The following SPDYC variants were observed in gnomAD, a reference collection of about 807,000 sequenced individuals.
SPDYC encodes the protein speedy/RINGO cell cycle regulator family member C, also known as speedy protein C.
In SPDYC, 25 loss-of-function variants were observed where a neutral mutation model predicts 33.9. That is an observed-to-expected ratio of 0.74 (90% confidence interval 0.54 to 1.03). SPDYC has a LOEUF of 1.03. Among genes scored for constraint, SPDYC ranks in the 50% least tolerant of loss-of-function variants. The pLI is 0.00. For synonymous variants in SPDYC, 133 were observed against 140.2 expected (o/e 0.95, Z 0.36); for missense variants, 349 against 382.9 (o/e 0.91, Z 0.74).
intron 2 of SPDYC, 132 bp downstream of exon 2, chr11:65,171,631 G>A: frequency 8.8e-7 from 1 of 1,135,100 alleles, no homozygotes; most frequent in Non-Finnish European, 1.2e-6. Context: ...TCCCAGCTTA[G>A]GCAGGTGGGA....
At chr11:65,170,561 A>G (rs1374226277) in intron 1 of SPDYC, among the ~76,000 whole-genome samples, 3 of 150,050 alleles carry the variant, frequency 2.0e-5, no homozygotes, top group Admixed American at 1.3e-4. Context: ...GGTGGTTGTG[A>G]GTTGGGGCCT....
At chr11:65,170,544 G>A (rs1017299980) in intron 1 of SPDYC, among the ~76,000 whole-genome samples, 1 of 152,128 alleles carries the variant, frequency 6.6e-6, no homozygotes, top group Non-Finnish European at 1.5e-5. Flanking sequence ...TTTGGTGAGG[G>A]GTCGGGGGTG....
intron 1 of SPDYC, 48 bp downstream of exon 1, chr11:65,170,309 T>C: frequency 6.5e-7 from 1 of 1,544,280 alleles, no homozygotes; most frequent in Non-Finnish European, 8.7e-7. Flanking sequence ...GGCGCCTAGA[T>C]GGAGGGGCCC....
At chr11:65,170,753 C>T (rs951335472) in intron 1 of SPDYC, among the ~76,000 whole-genome samples, 1 of 152,064 alleles carries the variant, frequency 6.6e-6, no homozygotes, top group African/African-American at 2.4e-5. Context: ...TGGCATGGCG[C>T]ATGCCTGTAA....
rs749997425 is a variant in SPDYC, at chr11:65,171,398, C to A, written c.98C>A (p.Thr33Asn). ...GACCCCACCACTTCCCCTGTAGTTA[C>A]CACCCAGGTAGAGCTGGGGGGCTGC... Residue 33 changes from threonine (T) to asparagine (N), a missense_variant, in exon 2 of 7, where the codon ACC becomes AAC. Physicochemically the swap from Thr to Asn is moderately conservative, Grantham distance 65. Coordinates refer to ENST00000377185, the Ensembl canonical transcript of SPDYC. 1.6e-5 allele frequency: 25 copies of A among 1,610,390 alleles called. No homozygotes were observed. The South Asian group carries it at 2.5e-4, about 16-fold the overall frequency.
Position 65,171,378 on chromosome 11 carries a change from C to T in SPDYC, c.78C>T (p.Pro26=), listed in dbSNP as rs777022095. The T allele has an allele frequency of 1.9e-6, 3 of 1,611,920 alleles. No homozygotes were observed. The South Asian group carries it at 3.3e-5, about 18-fold the overall frequency. The change falls in exon 2 of 7, where the codon CCC becomes CCT. Residue 26 remains proline, a synonymous_variant. Transcript: ENST00000377185. ...ATGAGATGAGTGACTCCCAAGACCC[C>T]ACCACTTCCCCTGTAGTTACCACCC...
At chr11:65,171,611 C>G (rs987200797) in intron 2 of SPDYC, 112 bp downstream of exon 2, 49 of 1,261,740 alleles carry the variant, frequency 3.9e-5, no homozygotes, top group Non-Finnish European at 5.0e-5. Context: ...GACCCTCTCC[C>G]TCTCAGGTAT....
Position 65,173,163 on chromosome 11 carries a change from T to A in SPDYC, c.848-20T>A, listed in dbSNP as rs1471956186. On this transcript the variant is annotated intron_variant, in intron 6 of 6. Coordinates refer to ENST00000377185, the Ensembl canonical transcript of SPDYC. ...GCTTGGCAGGTTTCTTCTCTGAGCC[T>A]CACTCTTTCCTCTCCCCAGTCTTCC... 1.2e-6 allele frequency: 2 copies of A among 1,613,460 alleles called. No homozygotes were observed. Among genetic ancestry groups the A allele is most frequent in the East Asian group, 2.2e-5 (1 of 44,878 alleles).
chr11:65,172,389 C>A, intron 4 of SPDYC, 45 bp from the exon 5 acceptor site: 1 of 1,613,686 alleles, frequency 6.2e-7, no homozygotes, highest in African/African-American at 1.3e-5. Context: ...TGGGACAGGG[C>A]AGATGTGTGG....
At position 65,172,336 on chromosome 11, in the gene SPDYC, G is replaced by C. The variant is rs1948445659; in HGVS notation, c.344+5G>C. 6.2e-7 allele frequency: 1 copy of C among 1,614,152 alleles called. No individual in the cohort carries two copies. The highest frequency in any genetic ancestry group is 2.2e-5 in the East Asian group (1 of 44,884). ...CAGCAGCCTGTTCTTGGCCCTGTGA[G>C]TGGTGGGGGCAGGCAGTGGAGGCAT... is the stretch of plus-strand genomic sequence containing the variant. On this transcript the variant is annotated splice_donor_5th_base_variant and intron_variant, in intron 4 of 6. Coordinates refer to ENST00000377185, the Ensembl canonical transcript of SPDYC.
chr11:65,173,229 G>GCAC, exon 7 of SPDYC: 1 of 1,613,468 alleles, frequency 6.2e-7, no homozygotes. Context: ...GCTCTGCAGG[G>GCAC]TGAAGAACAG....
intron 1 of SPDYC, 24 bp downstream of exon 1, chr11:65,170,285 C>G: frequency 1.3e-6 from 2 of 1,570,596 alleles, no homozygotes; most frequent in Non-Finnish European, 1.7e-6. Context: ...CAGGAGGAGG[C>G]TGGGTTGCTT....
chr11:65,172,207 A>T (rs200092291), intron 3 of SPDYC, 39 bp from the exon 4 acceptor site: 2 of 1,610,614 alleles, frequency 1.2e-6, no homozygotes, highest in African/African-American at 2.7e-5. Flanking sequence ...CCTCCTCCTC[A>T]GAGAATAACT....
At chr11:65,171,471 G>A in exon 2 of SPDYC, 1 of 1,592,774 alleles carries the variant, frequency 6.3e-7, no homozygotes, top group East Asian at 2.3e-5. Context: ...GCCAGCACCA[G>A]GAGGTCCAGG....
At position 65,171,313 on chromosome 11, in the gene SPDYC, T is replaced by C. The variant is rs1329958378; in HGVS notation, c.27-14T>C. 1 of 1,602,850 alleles carries C rather than the reference T, an allele frequency of 6.2e-7. No homozygotes were observed. ...GGGGGTACATGCTAAGTCCTGAGCC[T>C]CCTTTCTCTACAGGTCACCCTGCCC... On this transcript the variant is annotated splice_polypyrimidine_tract_variant and intron_variant, in intron 1 of 6. Coordinates refer to ENST00000377185, the Ensembl canonical transcript of SPDYC.
exon 4 of SPDYC, chr11:65,172,316 G>A (rs773290263): frequency 3.1e-5 from 50 of 1,614,010 alleles, no homozygotes; most frequent in Non-Finnish European, 4.1e-5. Context: ...ACCCACAGCA[G>A]CCTGTTCTTG....
In SPDYC at chr11:65,170,271, G is replaced by A. The variant is rs769985774; in HGVS notation, c.26+10G>A. The A allele has an allele frequency of 1.3e-6, 2 of 1,577,668 alleles. No homozygotes were observed. The highest frequency in any genetic ancestry group is 2.4e-5 in the East Asian group (1 of 41,662). ...CCATTCCTGAGCTCGGGTAAGGCTC[G>A]CTGCAGGAGGAGGCTGGGTTGCTTG... On this transcript the variant is annotated intron_variant, in intron 1 of 6. Coordinates refer to ENST00000377185, the Ensembl canonical transcript of SPDYC.
chr11:65,171,791 A>T, intron 2 of SPDYC, 152 bp from the exon 3 acceptor site: 1 of 721,538 alleles, frequency 1.4e-6, no homozygotes, highest in Non-Finnish European at 2.3e-6. Flanking sequence ...ATTTCTATTT[A>T]TATTAAGAAA....
exon 5 of SPDYC, chr11:65,172,533 C>G (rs1251540637): frequency 6.3e-7 from 1 of 1,576,058 alleles, no homozygotes; most frequent in African/African-American, 1.4e-5. Flanking sequence ...TGGGGAAATT[C>G]CTGCACCAGA....
Sources: allele counts gnomAD v4.1 joint callset (sites outside exome capture counted in the v4.1 genomes callset), GRCh38; gene constraint gnomAD v4.1.1; transcripts MANE v1.5; gene names NCBI Gene and HGNC (gene_info 2026-07-23, HGNC 2026-07-21).